The following RHPN2 variants were observed in gnomAD, a reference collection of about 807,000 sequenced individuals.
RHPN2 encodes the protein rhophilin Rho GTPase binding protein 2, also known as rhophilin-2.
Under a neutral mutation model 79.0 loss-of-function variants are expected in RHPN2, and 40 were observed. That is an observed-to-expected ratio of 0.51 (90% CI 0.39 to 0.66). RHPN2 has a LOEUF of 0.66. RHPN2 is among the 30% of genes least tolerant of loss of function. RHPN2 has a pLI of 0.00. For missense variants in RHPN2, 686 were observed against 883.5 expected, an observed-to-expected ratio of 0.78 and a Z score of 2.83; for synonymous variants, 285 against 363.5, an observed-to-expected ratio of 0.78 and a Z score of 2.46.
chr19:33,027,209 AC>A (rs1222887425), intron 2 of RHPN2: 2 of 148,654 alleles, frequency 1.3e-5, no homozygotes, highest in African/African-American at 5.3e-5. Flanking sequence ...AGATTATGCC[AC>A]TGCACTCCAG....
chr19:33,013,659 T>C (rs1432750697), intron 4 of RHPN2, among the ~76,000 whole-genome samples: 1 of 151,968 alleles, frequency 6.6e-6, no homozygotes, highest in African/African-American at 2.4e-5. Context: ...TCGAGACCAG[T>C]CTATGGCCTA....
At chr19:33,063,845 C>G (rs1178958230) in intron 1 of RHPN2, among the ~76,000 whole-genome samples, 2 of 151,838 alleles carry the variant, frequency 1.3e-5, no homozygotes, top group Admixed American at 6.6e-5. Context: ...CGCCAGCCCC[C>G]GCCAAGTCTC....
rs372661873 is a variant in RHPN2 at position 32,980,020 on chromosome 19, G to A, written c.2037C>T (p.Leu679=). The A allele has an allele frequency of 8.5e-5, 137 of 1,613,926 alleles. No individual in the cohort carries two copies. The African/African-American group carries it at 1.7e-3, about 20-fold the overall frequency. ...KKKLPSPFSL[L]NSDSSWY is the part of the protein sequence containing the mutation. ...ATTAGTACCAAGAACTGTCTGAGTT[G>A]AGAAGGCTGAAAGGGGAGGGCAGCT... The change falls in exon 15 of 15, where the codon CTC becomes CTT. Residue 679 remains leucine (L), a synonymous_variant. Transcript: ENST00000254260.
intron 1 of RHPN2, among the ~76,000 whole-genome samples, chr19:33,048,243 A>G (rs1972157586): frequency 6.6e-6 from 1 of 151,708 alleles, no homozygotes; most frequent in Non-Finnish European, 1.5e-5. Flanking sequence ...TTTAGTAGAG[A>G]TGGGGTTTCA....
At position 33,053,139 on chromosome 19, in the gene RHPN2, TTTTTG is replaced by T. The variant is rs58956378; in HGVS notation, c.70-8780_70-8776del. 3.2e-4 allele frequency among the ~76,000 whole-genome samples: 49 copies of T among 151,594 alleles called. 3 individuals carry two copies. Among genetic ancestry groups the T allele is most frequent in the African/African-American group, 7.5e-4 (31 of 41,272 alleles). ...GGAATGTGCCAACACACCTGGCTAA[TTTTTG>T]TTTTGTTTTGTTTTGTTTTGTTTTA... On this transcript the variant is annotated intron_variant, in intron 1 of 14. Coordinates refer to ENST00000254260, the MANE Select transcript of RHPN2 (RefSeq NM_033103.5).
Position 32,990,867 on chromosome 19 carries a change from A to G in RHPN2, c.1645-198T>C, listed in dbSNP as rs1276008248. The G allele has an allele frequency of 1.1e-5, 6 of 570,118 alleles. No individual in the cohort carries two copies. The East Asian group carries it at 1.9e-4, about 18-fold the overall frequency. The allele number at this position is 570,118 out of a possible 1,614,324, so 35.3% of individuals were successfully genotyped here. ...CAACACGGTGAAACCCATCTCTACTAAAAATACAAAAATCAGCCAGGTGTG... is the reference window on the plus strand; with the variant it reads ...CAACACGGTGAAACCCATCTCTACTGAAAATACAAAAATCAGCCAGGTGTG... On this transcript the variant is annotated intron_variant, in intron 13 of 14. Coordinates refer to ENST00000254260, the MANE Select transcript of RHPN2 (RefSeq NM_033103.5).
intron 14 of RHPN2, among the ~76,000 whole-genome samples, chr19:32,980,831 T>G (rs533503526): frequency 7.9e-5 from 12 of 151,990 alleles, no homozygotes; most frequent in Admixed American, 2.6e-4. Flanking sequence ...GATAATTTTT[T>G]GTTTGTTTTT....
At chr19:33,014,922 C>T (rs1209783921) in intron 4 of RHPN2, among the ~76,000 whole-genome samples, 2 of 151,990 alleles carry the variant, frequency 1.3e-5, no homozygotes, top group Non-Finnish European at 2.9e-5. Context: ...GAAACCCCAT[C>T]TCTACAAATA....
At chr19:33,012,494 C>G (rs1971843237) in intron 5 of RHPN2, among the ~76,000 whole-genome samples, 153 bp downstream of exon 5, 2 of 151,970 alleles carry the variant, frequency 1.3e-5, no homozygotes, top group South Asian at 4.2e-4. Context: ...CTACAGTTTT[C>G]TTATGCAGCA....
At chr19:33,041,184 C>A (rs140308883) in intron 2 of RHPN2, among the ~76,000 whole-genome samples, 1 of 152,208 alleles carries the variant, frequency 6.6e-6, no homozygotes, top group East Asian at 1.9e-4. Flanking sequence ...TCTGGGGACA[C>A]CTCCAAACAT....
intron 1 of RHPN2, among the ~76,000 whole-genome samples, chr19:33,054,210 T>C (rs1972213146): frequency 6.7e-6 from 1 of 149,840 alleles, no homozygotes; most frequent in African/African-American, 2.5e-5. Context: ...TTTTTTTTTT[T>C]TTTTTGAGAC....
In RHPN2 at chr19:32,996,197, T is replaced by C. The variant is rs144652286; in HGVS notation, c.1249A>G (p.Met417Val). 6.5e-5 allele frequency: 105 copies of C among 1,614,174 alleles called. No individual in the cohort carries two copies. In the African/African-American group the frequency reaches 1.2e-3, roughly 18 times the overall value. Reference protein sequence around the residue: ...QLGKSHLRRAMAHHEESVREA... With the variant: ...QLGKSHLRRAVAHHEESVREA... The stretch of plus-strand genomic sequence containing the variant: ...CGCACCGACTCCTCGTGATGAGCCA[T>C]GGCTCTGCGCAAGTGGGACTTCCCT... Residue 417 changes from methionine (M) to valine (V), a missense_variant, in exon 11 of 15, where the codon ATG becomes GTG. Coordinates refer to ENST00000254260, the MANE Select transcript of RHPN2 (RefSeq NM_033103.5).
chr19:33,031,676 G>A (rs574560633), intron 2 of RHPN2, among the ~76,000 whole-genome samples: 5 of 151,652 alleles, frequency 3.3e-5, no homozygotes, highest in South Asian at 2.1e-4. Flanking sequence ...GCACCATTGC[G>A]CCTGGCTAAC....
chr19:33,062,167 T>G (rs886833856), intron 1 of RHPN2, among the ~76,000 whole-genome samples: 9 of 152,178 alleles, frequency 5.9e-5, no homozygotes, highest in Non-Finnish European at 1.0e-4. Flanking sequence ...TTTGCACCCC[T>G]GATTCTCTCA....
At chr19:33,008,853 C>T (rs1395495739) in intron 6 of RHPN2, among the ~76,000 whole-genome samples, 2 of 152,106 alleles carry the variant, frequency 1.3e-5, no homozygotes, top group Non-Finnish European at 2.9e-5. Context: ...CACTGACCGC[C>T]ACAGCCACAC....
intron 3 of RHPN2, among the ~76,000 whole-genome samples, chr19:33,025,981 G>GTTTTTTTTTTTTTTTTTTTT (rs71340523): frequency 7.7e-6 from 1 of 129,108 alleles, no homozygotes; most frequent in Non-Finnish European, 1.6e-5. Context: ...GTGTTCATTT[G>GTTTTTTTTTTTTTTTTTTTT]TTTTTTTTTT....
chr19:33,008,038 T>G lies in RHPN2; in HGVS notation c.736A>C (p.Ile246Leu), dbSNP rs570243378. 6.2e-6 allele frequency: 10 copies of G among 1,612,778 alleles called. No homozygotes were observed. In the East Asian group the frequency reaches 2.0e-4, roughly 32 times the overall value. ...RQTQAGLESA[I>L]DAFQRAAGVL... Reference sequence around the variant, plus strand: ...CCTGCGGCTCTCTGAAAGGCATCTATGGCACTCTCCAGCCCAGCCTGCGTC... The same window carrying G: ...CCTGCGGCTCTCTGAAAGGCATCTAGGGCACTCTCCAGCCCAGCCTGCGTC... The change falls in exon 7 of 15, where the codon ATA becomes CTA. Residue 246 changes from isoleucine to leucine, a missense_variant. Physicochemically the swap from Ile to Leu is conservative, Grantham distance 5 (BLOSUM62 2). Transcript: ENST00000254260.
At chr19:33,052,975 C>CTT (rs34864343) in intron 1 of RHPN2, among the ~76,000 whole-genome samples, 23 of 146,530 alleles carry the variant, frequency 1.6e-4, no homozygotes, top group Non-Finnish European at 2.3e-4. Context: ...TGCTGAATAA[C>CTT]TTTTTTTTTT....
chr19:33,036,875 C>T (rs1187797718), intron 2 of RHPN2, among the ~76,000 whole-genome samples: 1 of 144,524 alleles, frequency 6.9e-6, no homozygotes, highest in Admixed American at 7.3e-5. Flanking sequence ...CCTGAGCCCC[C>T]CCGCCACCCT....
Sources: gnomAD v4.1 joint callset for allele counts (sites outside exome capture counted in the v4.1 genomes callset) on GRCh38, gnomAD v4.1.1 for gene constraint, MANE v1.5 for transcripts, NCBI Gene and HGNC (gene_info 2026-07-23, HGNC 2026-07-21) for gene names.